Variants in JPH3 observed in about 807,000 individuals in gnomAD.
JPH3 encodes the protein junctophilin 3.
Under a neutral mutation model 59.6 loss-of-function variants are expected in JPH3, and 11 were observed. The observed-to-expected ratio is 0.18, with a 90% CI of 0.12 to 0.31. The LOEUF (loss-of-function observed/expected upper bound fraction) is 0.31, where lower values mean the gene tolerates loss of function less well. Among genes scored for constraint, JPH3 ranks in the 10% least tolerant of loss-of-function variants. JPH3 has a pLI of 1.00. For synonymous variants in JPH3, 673 were observed against 483.6 expected (o/e 1.39, Z -5.14); for missense variants, 1,202 against 1,105.7 (o/e 1.09, Z -1.24).
intron 2 of JPH3, among the ~76,000 whole-genome samples, chr16:87,647,034 A>G (rs2032176196): frequency 6.6e-6 from 1 of 152,196 alleles, no homozygotes. Context: ...GCAGGTTGTC[A>G]GCCTCTCTGG....
At chr16:87,692,227 C>A (rs936266837) in intron 4 of JPH3, among the ~76,000 whole-genome samples, 1 of 150,962 alleles carries the variant, frequency 6.6e-6, no homozygotes, top group Non-Finnish European at 1.5e-5. Context: ...CCGTCTCCCT[C>A]CCCACAGCTT....
chr16:87,667,182 C>G (rs1261815732), intron 2 of JPH3, among the ~76,000 whole-genome samples: 5 of 152,238 alleles, frequency 3.3e-5, no homozygotes, highest in African/African-American at 1.2e-4. Context: ...CCTTCTCTGT[C>G]TCTTAGCTCC....
chr16:87,661,901 T>A (rs1243709394), intron 2 of JPH3, among the ~76,000 whole-genome samples: 1 of 152,206 alleles, frequency 6.6e-6, no homozygotes, highest in Admixed American at 6.5e-5. Flanking sequence ...TGCCTCACAC[T>A]CACGTCCCAT....
At chr16:87,652,006 G>A (rs151205935) in intron 2 of JPH3, among the ~76,000 whole-genome samples, 6,285 of 151,588 alleles carry the variant, frequency 0.041, 216 homozygotes, top group South Asian at 0.077. Flanking sequence ...ATGGAGTCTC[G>A]CTCTGTTGCC....
At chr16:87,692,813 C>A (rs1010365690) in intron 4 of JPH3, among the ~76,000 whole-genome samples, 1 of 152,214 alleles carries the variant, frequency 6.6e-6, no homozygotes, top group Non-Finnish European at 1.5e-5. Context: ...TTCCCTCCTG[C>A]GGGCAGCCAC....
intron 2 of JPH3, among the ~76,000 whole-genome samples, chr16:87,655,605 A>C (rs981025588): frequency 2.0e-5 from 3 of 152,184 alleles, no homozygotes; most frequent in Non-Finnish European, 4.4e-5. Context: ...CTCCTGCCTC[A>C]GCCTCCCAAA....
Position 87,665,897 on chromosome 16 carries a change from G to T in JPH3, c.1161-18245G>T, listed in dbSNP as rs189904598. On this transcript the variant is annotated intron_variant, in intron 2 of 4. Transcript: ENST00000284262. The stretch of plus-strand genomic sequence containing the variant: ...AGCCCTGTCCTCAGCTTTGAAGTCA[G>T]TTCCCATCGCTGCCCCCCAGGTAGC... Among the ~76,000 whole-genome samples, 644 of 152,322 alleles carry T rather than the reference G, an allele frequency of 4.2e-3. 4 individuals are homozygous for T. The highest frequency in any genetic ancestry group is 0.015 in the African/African-American group (607 of 41,566).
At chr16:87,626,869 G>A (rs963265476) in intron 1 of JPH3, among the ~76,000 whole-genome samples, 21 of 152,212 alleles carry the variant, frequency 1.4e-4, no homozygotes, top group African/African-American at 5.1e-4. Context: ...GGAGGGCATG[G>A]TGGCTCATGC....
chr16:87,655,001 C>T (rs968435746), intron 2 of JPH3: 5 of 152,364 alleles, frequency 3.3e-5, no homozygotes, highest in East Asian at 1.9e-4. Context: ...TGCAGTCCCC[C>T]GGGGGCATGG....
chr16:87,695,737 T>G lies in JPH3; in HGVS notation c.2167-843T>G, dbSNP rs1183229195. On this transcript the variant is annotated intron_variant, in intron 4 of 4. Transcript: ENST00000284262. Reference sequence around the variant, plus strand: ...GGGCCACGCTCCCTCTCCCCCTGCCTGGTGTGAGCAGAACACAGCAGAGTG... The same window carrying G: ...GGGCCACGCTCCCTCTCCCCCTGCCGGGTGTGAGCAGAACACAGCAGAGTG... 8.8e-6 allele frequency: 4 copies of G among 455,806 alleles called. No individual in the cohort carries two copies. The East Asian group carries it at 2.8e-4, about 32-fold the overall frequency. 28.2% of individuals were successfully genotyped at this position (455,806 alleles called of 1,614,324 possible).
At chr16:87,647,223 G>A (rs1382638112) in intron 2 of JPH3, among the ~76,000 whole-genome samples, 1 of 152,028 alleles carries the variant, frequency 6.6e-6, no homozygotes. Flanking sequence ...GGCTGGGCCG[G>A]GAGGGCGAGA....
chr16:87,644,231 C>T, intron 1 of JPH3, 27 bp from the exon 2 acceptor site: 6 of 1,580,340 alleles, frequency 3.8e-6, no homozygotes, highest in Non-Finnish European at 5.2e-6. Flanking sequence ...TCGCTGGGCA[C>T]TCACCCCTCT....
chr16:87,650,928 C>T (rs552516539), intron 2 of JPH3, among the ~76,000 whole-genome samples: 18 of 152,240 alleles, frequency 1.2e-4, no homozygotes, highest in Admixed American at 5.2e-4. Flanking sequence ...AACAGATTTT[C>T]AGTGTCGATG....
At chr16:87,635,865 A>G (rs912913378) in intron 1 of JPH3, among the ~76,000 whole-genome samples, 1 of 152,184 alleles carries the variant, frequency 6.6e-6, no homozygotes, top group Non-Finnish European at 1.5e-5. Context: ...GTGCGGAGGC[A>G]GCACCGACAT....
intron 4 of JPH3, chr16:87,694,591 A>G (rs1253031935): frequency 1.3e-5 from 2 of 152,384 alleles, no homozygotes; most frequent in Non-Finnish European, 2.9e-5. Context: ...CTGCCAGCCC[A>G]TAGCTCCCAT....
chr16:87,623,843 C>G (rs887242108), intron 1 of JPH3, among the ~76,000 whole-genome samples: 2 of 152,242 alleles, frequency 1.3e-5, no homozygotes, highest in Non-Finnish European at 2.9e-5. Flanking sequence ...GGACCACATG[C>G]CCAGCTGTGG....
chr16:87,646,954 G>T (rs557446000), intron 2 of JPH3, among the ~76,000 whole-genome samples: 44 of 152,280 alleles, frequency 2.9e-4, no homozygotes, highest in African/African-American at 8.4e-4. Flanking sequence ...TAAGAGAAGC[G>T]GGTTCCCATT....
intron 1 of JPH3, among the ~76,000 whole-genome samples, chr16:87,606,059 T>C (rs968217719): frequency 7.2e-5 from 11 of 152,302 alleles, no homozygotes; most frequent in African/African-American, 2.6e-4. Flanking sequence ...GGGGTGATTA[T>C]GGCACTGAGT....
intron 1 of JPH3, among the ~76,000 whole-genome samples, chr16:87,639,575 G>A (rs7192656): frequency 6.6e-6 from 1 of 152,060 alleles, no homozygotes; most frequent in South Asian, 2.1e-4. Flanking sequence ...CCGAAACTCT[G>A]TCCCACTAAA....
Sources: allele counts gnomAD v4.1 joint callset (sites outside exome capture counted in the v4.1 genomes callset), GRCh38; gene constraint gnomAD v4.1.1; transcripts MANE v1.5; gene names NCBI Gene and HGNC (gene_info 2026-07-23, HGNC 2026-07-21).